Variants in CAMK1D observed in about 807,000 individuals in gnomAD.
CAMK1D encodes calcium/calmodulin-dependent protein kinase type 1D.
Under a neutral mutation model 47.7 loss-of-function variants are expected in CAMK1D, and 9 were observed. The observed-to-expected ratio is 0.19, with a 90% confidence interval of 0.11 to 0.33. The LOEUF (loss-of-function observed/expected upper bound fraction) is 0.33. Among genes scored for constraint, CAMK1D ranks in the 10% least tolerant of loss-of-function variants. CAMK1D has a pLI of 1.00. For missense variants in CAMK1D, 291 were observed against 488.7 expected, an observed-to-expected ratio of 0.60 and a Z score of 3.81; for synonymous variants, 184 against 184.9, an observed-to-expected ratio of 0.99 and a Z score of 0.04.
At chr10:12,750,719 A>G (rs1835904317) in intron 3 of CAMK1D, among the ~76,000 whole-genome samples, 1 of 151,200 alleles carries the variant, frequency 6.6e-6, no homozygotes, top group Non-Finnish European at 1.5e-5. Flanking sequence ...AATGAAGTAG[A>G]AGTTGAGGGA....
At chr10:12,694,472 A>G (rs1833160903) in intron 3 of CAMK1D, among the ~76,000 whole-genome samples, 1 of 125,284 alleles carries the variant, frequency 8.0e-6, no homozygotes. Flanking sequence ...TATATCATAT[A>G]TAAAATATAT....
intron 2 of CAMK1D, among the ~76,000 whole-genome samples, chr10:12,635,759 A>C (rs141990253): frequency 1.6e-3 from 235 of 151,494 alleles, no homozygotes; most frequent in African/African-American, 5.3e-3. Context: ...TTATCTTATA[A>C]TGATTAATTC....
chr10:12,536,784 CT>C (rs1835985963), intron 1 of CAMK1D, among the ~76,000 whole-genome samples: 1 of 152,122 alleles, frequency 6.6e-6, no homozygotes, highest in South Asian at 2.1e-4. Flanking sequence ...TTTTGGTAAC[CT>C]TTTTTTCAAT....
chr10:12,439,819 G>A (rs1588487155), intron 1 of CAMK1D, among the ~76,000 whole-genome samples: 1 of 152,238 alleles, frequency 6.6e-6, no homozygotes, highest in Non-Finnish European at 1.5e-5. Context: ...AGAAAAAGAG[G>A]TTTAATGGAC....
intron 6 of CAMK1D, among the ~76,000 whole-genome samples, chr10:12,801,222 T>TATCC (rs55994840): frequency 0.029 from 4,369 of 149,318 alleles, 80 homozygotes; most frequent in East Asian, 0.049. Context: ...ACATCTCTAG[T>TATCC]ATCCATCCAT....
intron 1 of CAMK1D, among the ~76,000 whole-genome samples, chr10:12,427,698 C>CTTTT (rs1588474191): frequency 1.5e-4 from 4 of 27,386 alleles, no homozygotes; most frequent in African/African-American, 3.4e-4. Context: ...ACTGAACTTA[C>CTTTT]TGTTTTTTTT....
intron 3 of CAMK1D, among the ~76,000 whole-genome samples, chr10:12,734,450 G>A (rs12777320): frequency 0.15 from 790 of 5,168 alleles, 110 homozygotes; most frequent in South Asian, 0.45. Context: ...ACACATATGT[G>A]TATATATACA....
chr10:12,520,131 A>G (rs1302371048), intron 1 of CAMK1D, among the ~76,000 whole-genome samples: 1 of 77,256 alleles, frequency 1.3e-5, no homozygotes, highest in Non-Finnish European at 2.7e-5. Context: ...CTCACTTCCC[A>G]GATGGGGTGG....
chr10:12,827,472 G>GTCTTTCTTTCTTTCTTTCTT (rs1244927320), intron 10 of CAMK1D, among the ~76,000 whole-genome samples: 202 of 5,090 alleles, frequency 0.04, 70 homozygotes, highest in Middle Eastern at 0.14. Context: ...TTGTCTGTCT[G>GTCTTTCTTTCTTTCTTTCTT]TCTTTCTTTC....
chr10:12,788,965 G>T lies in CAMK1D; in HGVS notation c.566-2193G>T, dbSNP rs539637746. On this transcript the variant is annotated intron_variant, in intron 5 of 10. Coordinates refer to ENST00000619168, the MANE Select transcript of CAMK1D (RefSeq NM_153498.4). Reference sequence around the variant, plus strand: ...TTGGGGGCGTTGCAGACTAAAGCCAGTTTCGGGGATTATCTGTGGAGTGCA... The same window carrying T: ...TTGGGGGCGTTGCAGACTAAAGCCATTTTCGGGGATTATCTGTGGAGTGCA... 6.6e-5 allele frequency among the ~76,000 whole-genome samples: 10 copies of T among 152,364 alleles called. No homozygotes were observed. The South Asian group carries it at 8.3e-4, about 13-fold the overall frequency.
At chr10:12,358,876 T>C (rs1433744328) in intron 1 of CAMK1D, among the ~76,000 whole-genome samples, 1 of 152,158 alleles carries the variant, frequency 6.6e-6, no homozygotes, top group African/African-American at 2.4e-5. Context: ...CCTTGGACAT[T>C]TGGGGCAGGT....
At chr10:12,557,410 G>T (rs1316202069) in intron 2 of CAMK1D, among the ~76,000 whole-genome samples, 1 of 151,938 alleles carries the variant, frequency 6.6e-6, no homozygotes, top group East Asian at 1.9e-4. Flanking sequence ...AAATTGGCCG[G>T]GTATGGTGGT....
In CAMK1D at chr10:12,392,147, A is replaced by G. The variant is rs1564310312; in HGVS notation, c.92+42237A>G. On this transcript the variant is annotated intron_variant, in intron 1 of 10. Transcript: ENST00000619168. ...GTGAAACTCCGTTTCTACTAAACAT[A>G]CAAAATTAGCCGGGTGCAGTGGTGT... 2.0e-5 allele frequency among the ~76,000 whole-genome samples: 3 copies of G among 152,088 alleles called. No individual in the cohort carries two copies. The South Asian group carries it at 6.2e-4, about 32-fold the overall frequency.
At chr10:12,552,401 C>T (rs1836613915) in intron 1 of CAMK1D, among the ~76,000 whole-genome samples, 1 of 152,202 alleles carries the variant, frequency 6.6e-6, no homozygotes, top group African/African-American at 2.4e-5. Context: ...ACCTGCAATA[C>T]CGCTCACACC....
chr10:12,679,032 A>T (rs891905292), intron 3 of CAMK1D, among the ~76,000 whole-genome samples: 1 of 152,158 alleles, frequency 6.6e-6, no homozygotes. Context: ...AAGTGCTGGG[A>T]TTACAGATGT....
intron 1 of CAMK1D, among the ~76,000 whole-genome samples, chr10:12,364,065 G>T (rs181064695): frequency 1.3e-5 from 2 of 152,124 alleles, no homozygotes; most frequent in Admixed American, 1.3e-4. Context: ...ACGGTTTGCA[G>T]TGTGGTTTTT....
At chr10:12,587,684 G>T (rs889337590) in intron 2 of CAMK1D, among the ~76,000 whole-genome samples, 5 of 152,152 alleles carry the variant, frequency 3.3e-5, no homozygotes, top group Admixed American at 6.5e-5. Context: ...AGTGGCTCAT[G>T]CAGGCTGCAG....
intron 1 of CAMK1D, among the ~76,000 whole-genome samples, chr10:12,395,784 G>A (rs553402123): frequency 7.9e-5 from 12 of 151,382 alleles, no homozygotes; most frequent in Admixed American, 2.6e-4. Context: ...AAAATTAGCC[G>A]GGCATGGTGG....
rs565917913 is a variant in CAMK1D at position 12,571,281 on chromosome 10, A to G, written c.224+17925A>G. 1.3e-3 allele frequency among the ~76,000 whole-genome samples: 200 copies of G among 151,920 alleles called. 1 individual carries two copies. The highest frequency in any genetic ancestry group is 2.1e-3 in the Admixed American group (32 of 15,260). On this transcript the variant is annotated intron_variant, in intron 2 of 10. Transcript: ENST00000619168. ...CCAGCACAGTGAAACCCCCGTCTCT[A>G]TGAGGAAAATACAAAAAATCAGCCG...
Sources: gnomAD v4.1 joint callset for allele counts (sites outside exome capture counted in the v4.1 genomes callset) on GRCh38, gnomAD v4.1.1 for gene constraint, MANE v1.5 for transcripts, NCBI Gene and HGNC (gene_info 2026-07-23, HGNC 2026-07-21) for gene names.